DNAJC16: variants seen among roughly 807,000 people sequenced by gnomAD.
DNAJC16 encodes dnaJ homolog subfamily C member 16.
DNAJC16 carries 76 observed loss-of-function variants against 92.7 expected under a neutral mutation model. That is an observed-to-expected ratio of 0.82 (90% confidence interval 0.68 to 0.99). DNAJC16 has a LOEUF of 0.99. Ranked by LOEUF, DNAJC16 falls within the 50% of genes least tolerant of loss-of-function variation. The probability of loss-of-function intolerance (pLI) is 0.00; values close to 1 mark genes in which losing one functional copy is unlikely to be tolerated. For synonymous variants in DNAJC16, 328 were observed against 358.7 expected (o/e 0.91, Z 0.97); for missense variants, 869 against 942.4 (o/e 0.92, Z 1.02).
Position 15,567,857 on chromosome 1 carries a change from G to T in DNAJC16, c.2029G>T (p.Asp677Tyr), listed in dbSNP as rs140673485. 7.6e-5 allele frequency: 123 copies of T among 1,614,100 alleles called. No individual in the cohort carries two copies. The highest frequency in any genetic ancestry group is 1.7e-5 in the Non-Finnish European group (20 of 1,180,046). ...AGAATACTTACTAGAATTTGCTCAAGATGCAGCTCCAATCCCAAACCAATA... is the reference window on the plus strand; with the variant it reads ...AGAATACTTACTAGAATTTGCTCAATATGCAGCTCCAATCCCAAACCAATA... Reference protein sequence around the residue: ...WLEYLLEFAQDAAPIPNQYDK... With the variant: ...WLEYLLEFAQYAAPIPNQYDK... Residue 677 changes from aspartate to tyrosine, a missense_variant, in exon 15 of 15, where the codon GAT (aspartate) becomes TAT (tyrosine). By Grantham distance (160) the Asp-to-Tyr change is radical. Transcript: ENST00000375847.
intron 2 of DNAJC16, 100 bp downstream of exon 2, chr1:15,529,372 G>A: frequency 1.7e-6 from 2 of 1,208,392 alleles, no homozygotes; most frequent in African/African-American, 1.5e-5. Context: ...CTGTTTCTAT[G>A]TTCAATATAT....
chr1:15,531,221 G>A (rs2042371), intron 2 of DNAJC16, among the ~76,000 whole-genome samples: 89,357 of 151,992 alleles, frequency 0.59, 26,907 homozygotes, highest in African/African-American at 0.71. Context: ...GTGATGCATG[G>A]TACAGACTGC....
At chr1:15,552,766 A>ATTTTTTT (rs1247280903) in intron 7 of DNAJC16, among the ~76,000 whole-genome samples, 1 of 125,918 alleles carries the variant, frequency 7.9e-6, no homozygotes. Flanking sequence ...TATTATTATT[A>ATTTTTTT]TTTATTTTTT....
chr1:15,559,679 C>T, intron 8 of DNAJC16, 23 bp downstream of exon 8: 11 of 1,610,856 alleles, frequency 6.8e-6, no homozygotes, highest in Non-Finnish European at 9.3e-6. Flanking sequence ...GGCTTTGCCT[C>T]TGCTTGTTAT....
At chr1:15,550,025 A>C (rs924848971) in intron 7 of DNAJC16, among the ~76,000 whole-genome samples, 2 of 152,154 alleles carry the variant, frequency 1.3e-5, no homozygotes, top group East Asian at 1.9e-4. Context: ...TCAGGCACCT[A>C]CTGGGGGTCT....
chr1:15,566,925 T>A, intron 13 of DNAJC16, 174 bp from the exon 14 acceptor site: 1 of 543,636 alleles, frequency 1.8e-6, no homozygotes, highest in Non-Finnish European at 3.2e-6. Context: ...TGTTTGTAGG[T>A]CAGGGATTAC....
chr1:15,562,058 G>C (rs142380369), intron 8 of DNAJC16, 84 bp from the exon 9 acceptor site: 8 of 1,397,204 alleles, frequency 5.7e-6, no homozygotes, highest in Non-Finnish European at 5.9e-6. Context: ...TGAGCTCCTC[G>C]TCTTCTTCAC....
At chr1:15,555,471 T>G (rs1216637299) in intron 7 of DNAJC16, among the ~76,000 whole-genome samples, 1 of 149,236 alleles carries the variant, frequency 6.7e-6, no homozygotes, top group Non-Finnish European at 1.5e-5. Context: ...GATCACCAGG[T>G]CAGGAGTTCG....
At position 15,559,603 on chromosome 1, in the gene DNAJC16, C is replaced by G. The variant is rs1304099379; in HGVS notation, c.1101C>G (p.Ser367Arg). The G allele has an allele frequency of 3.1e-6, 5 of 1,614,026 alleles. No individual in the cohort carries two copies. In the Admixed American group the frequency reaches 6.7e-5, roughly 22 times the overall value. Residue 367 changes from serine (S) to arginine (R), a missense_variant, in exon 8 of 15, where the codon AGC becomes AGG. By Grantham distance (110) the Ser-to-Arg change is moderately radical (BLOSUM62 -1). Coordinates refer to ENST00000375847, the MANE Select transcript of DNAJC16 (RefSeq NM_015291.4). Reference protein sequence around the residue: ...NKYLLAARLTSQKLFHELCPV... With the variant: ...NKYLLAARLTRQKLFHELCPV... ...ATCTATTGGCAGCCAGGCTCACCAGCCAGAAGTTGTTCCATGAACTCTGCC... is the reference window on the plus strand; with the variant it reads ...ATCTATTGGCAGCCAGGCTCACCAGGCAGAAGTTGTTCCATGAACTCTGCC...
intron 11 of DNAJC16, among the ~76,000 whole-genome samples, chr1:15,565,031 C>T (rs1198644403): frequency 1.3e-5 from 2 of 151,882 alleles, no homozygotes; most frequent in African/African-American, 4.8e-5. Context: ...GACAGTGTTT[C>T]ACCATGTTGG....
chr1:15,555,385 C>CAA (rs138122400), intron 7 of DNAJC16, among the ~76,000 whole-genome samples: 8 of 105,852 alleles, frequency 7.6e-5, no homozygotes, highest in South Asian at 3.5e-4. Flanking sequence ...GACTCCATCT[C>CAA]AAAAAAAAAA....
At position 15,528,560 on chromosome 1, in the gene DNAJC16, G is replaced by T. The variant is rs563528880; in HGVS notation, c.-18-528G>T. On this transcript the variant is annotated intron_variant, in intron 1 of 14. Coordinates refer to ENST00000375847, the MANE Select transcript of DNAJC16 (RefSeq NM_015291.4). ...CTGCGTCTTAACTACACAGTTTTTT[G>T]AGAGTGTTTCACGTCCATGTTTGTA... Among the ~76,000 whole-genome samples the T allele has an allele frequency of 9.7e-4, 148 of 152,298 alleles. 1 individual carries two copies. The highest frequency in any genetic ancestry group is 3.5e-3 in the African/African-American group (146 of 41,556).
At chr1:15,552,511 G>C (rs1638469202) in intron 7 of DNAJC16, among the ~76,000 whole-genome samples, 1 of 151,906 alleles carries the variant, frequency 6.6e-6, no homozygotes, top group Admixed American at 6.6e-5. Context: ...TTACTGTTTG[G>C]AAGATCAGTG....
rs1255342266 is a variant in DNAJC16, at chr1:15,559,566, C to G, written c.1064C>G (p.Thr355Ser). ...AAGCAAATCATTGACGACTTCATCA[C>G]CCGAAACAAATATCTATTGGCAGCC... ...MKKQIIDDFI[T>S]RNKYLLAARL... The change falls in exon 8 of 15, where the codon ACC (threonine) becomes AGC (serine). Residue 355 changes from threonine to serine, a missense_variant. By Grantham distance (58) the Thr-to-Ser change is moderately conservative (BLOSUM62 1). Coordinates refer to ENST00000375847, the MANE Select transcript of DNAJC16 (RefSeq NM_015291.4). 1.9e-6 allele frequency: 3 copies of G among 1,614,026 alleles called. No homozygotes were observed. The African/African-American group carries it at 4.0e-5, about 22-fold the overall frequency.
In DNAJC16 at chr1:15,567,949, C is replaced by G; in HGVS notation, c.2121C>G (p.Tyr707Ter). Reference sequence around the variant, plus strand: ...TGGCTCTGAATGGCCACAAGAAATACTTCTGCCTCTTCAAGCCCCAAAAGA... The same window carrying G: ...TGGCTCTGAATGGCCACAAGAAATAGTTCTGCCTCTTCAAGCCCCAAAAGA... The part of the protein sequence containing the change: ...YVLALNGHKK[Y>*]FCLFKPQKTV... The change falls in exon 15 of 15, where the codon TAC becomes TAG. Residue 707 changes from tyrosine to a stop codon, truncating the protein, a stop_gained. Transcript: ENST00000375847. LOFTEE classifies it high-confidence loss of function. 1 of 1,614,238 alleles carries G rather than the reference C, an allele frequency of 6.2e-7. No homozygotes were observed. Among genetic ancestry groups the G allele is most frequent in the East Asian group, 2.2e-5 (1 of 44,888 alleles).
chr1:15,562,808 G>C (rs1244400043), intron 9 of DNAJC16, among the ~76,000 whole-genome samples: 3 of 151,550 alleles, frequency 2.0e-5, no homozygotes, highest in African/African-American at 7.3e-5. Context: ...AACAGTTTTT[G>C]ACCTGGTCTT....
chr1:15,562,400 G>C, intron 9 of DNAJC16, 75 bp downstream of exon 9: 4 of 1,420,382 alleles, frequency 2.8e-6, no homozygotes, highest in Non-Finnish European at 2.9e-6. Flanking sequence ...CTTCTTCCTT[G>C]AGAGTGTTGA....
At chr1:15,565,840 T>G (rs1376582361) in intron 11 of DNAJC16, 79 bp from the exon 12 acceptor site, 1 of 1,445,644 alleles carries the variant, frequency 6.9e-7, no homozygotes, top group Non-Finnish European at 9.6e-7. Context: ...GTTTTTGGTT[T>G]GGGATTTTTA....
intron 4 of DNAJC16, among the ~76,000 whole-genome samples, chr1:15,542,647 G>T (rs761175965): frequency 6.6e-6 from 1 of 152,230 alleles, no homozygotes; most frequent in Admixed American, 6.5e-5. Context: ...GACTTCTGGC[G>T]TCTGAAGTGG....
Sources: allele counts gnomAD v4.1 joint callset (sites outside exome capture counted in the v4.1 genomes callset), GRCh38; gene constraint gnomAD v4.1.1; transcripts MANE v1.5; gene names NCBI Gene and HGNC (gene_info 2026-07-23, HGNC 2026-07-21).